Variants in GRAMD1B observed in about 807,000 individuals in gnomAD.
GRAMD1B encodes GRAM domain containing 1B.
A neutral mutation model predicts 99.7 loss-of-function variants in GRAMD1B; 37 were observed. The ratio of observed to expected loss-of-function variants is 0.37; its 90% confidence interval spans 0.29 to 0.49. GRAMD1B has a LOEUF of 0.49. Among genes scored for constraint, GRAMD1B ranks in the 20% least tolerant of loss-of-function variants. The pLI, the probability that GRAMD1B is intolerant of heterozygous loss-of-function variation, is 0.98. For synonymous variants in GRAMD1B, 427 were observed against 387.6 expected (o/e 1.10, Z -1.19); for missense variants, 888 against 1,009.2 (o/e 0.88, Z 1.63).
intron 2 of GRAMD1B, among the ~76,000 whole-genome samples, chr11:123,497,255 C>G (rs1164967578): frequency 6.6e-6 from 1 of 152,224 alleles, no homozygotes; most frequent in Non-Finnish European, 1.5e-5. Context: ...TCTTCCCTTA[C>G]TTTCTCCCAA....
chr11:123,573,440 G>A (rs1045318628), intron 2 of GRAMD1B, among the ~76,000 whole-genome samples: 2 of 152,148 alleles, frequency 1.3e-5, no homozygotes, highest in South Asian at 2.1e-4. Context: ...TTCTTTCTTT[G>A]TACTCACCCA....
In GRAMD1B at chr11:123,606,862, C is replaced by G. The variant is rs576148795; in HGVS notation, c.1513+64C>G. 2.2e-4 allele frequency: 283 copies of G among 1,281,054 alleles called. 1 individual carries two copies. In the African/African-American group the frequency reaches 3.2e-3, roughly 14 times the overall value. 79.4% of individuals were successfully genotyped at this position (1,281,054 alleles called of 1,614,324 possible). A position where few individuals can be genotyped will look rare whatever the true frequency, so the allele number is the denominator to read the frequency against. ...TGTTTTGAAGGCTAAAAGGAGATCT[C>G]TATGTGGGGACTGTAGTTAGTCTCT... On this transcript the variant is annotated intron_variant, in intron 11 of 19. Transcript: ENST00000635736.
intron 17 of GRAMD1B, among the ~76,000 whole-genome samples, chr11:123,616,622 A>G (rs1204352086): frequency 1.3e-5 from 2 of 152,258 alleles, no homozygotes; most frequent in Non-Finnish European, 2.9e-5. Context: ...ATCCAGGCCA[A>G]GTGTCTGCCG....
chr11:123,432,604 A>G lies in GRAMD1B; in HGVS notation c.374+1438A>G, dbSNP rs374795144. ...ACCTGTGGGAGCCATTGGAAAACATACTGTGCTGTGTGGTACTGATTGTAC... is the reference window on the plus strand; with the variant it reads ...ACCTGTGGGAGCCATTGGAAAACATGCTGTGCTGTGTGGTACTGATTGTAC... On this transcript the variant is annotated intron_variant, in intron 1 of 19. Transcript: ENST00000635736. Among the ~76,000 whole-genome samples, 19 of 152,038 alleles carry G rather than the reference A, an allele frequency of 1.2e-4. 2 individuals carry two copies. In the East Asian group the frequency reaches 3.5e-3, roughly 28 times the overall value.
At chr11:123,571,755 A>G (rs1039901822) in intron 2 of GRAMD1B, among the ~76,000 whole-genome samples, 1 of 152,022 alleles carries the variant, frequency 6.6e-6, no homozygotes. Context: ...GTTTCTGTCA[A>G]TGTTCCATAT....
rs1437492697 is a variant in GRAMD1B at position 123,610,615 on chromosome 11, T to A, written c.1919+277T>A. ...TATAGTGTAGGCGCTTTACCTACAT[T>A]CACTGGAGTCTTTAGAACGACTCAA... On this transcript the variant is annotated intron_variant, in intron 14 of 19. Coordinates refer to ENST00000635736, the MANE Select transcript of GRAMD1B (RefSeq NM_001387025.1). This position sits in a 1 kb window ranked among gnomAD's most constrained non-coding sequence, Gnocchi z 4.1. Among the ~76,000 whole-genome samples, 2 of 152,234 alleles carry A rather than the reference T, an allele frequency of 1.3e-5. No homozygotes were observed. Among genetic ancestry groups the A allele is most frequent in the African/African-American group, 4.8e-5 (2 of 41,458 alleles).
At position 123,583,302 on chromosome 11, in the gene GRAMD1B, G is replaced by A. The variant is rs180866550; in HGVS notation, c.664-1010G>A. Among the ~76,000 whole-genome samples, 526 of 150,782 alleles carry A rather than the reference G, an allele frequency of 3.5e-3. 4 individuals carry two copies. Among genetic ancestry groups the A allele is most frequent in the Admixed American group, 0.012 (184 of 15,168 alleles). On this transcript the variant is annotated intron_variant, in intron 3 of 19. Transcript: ENST00000635736. ...GCATGTGTGTGTGGTGTGTGTGAAT[G>A]TGTGTGTGCACGTGTGGATGTGTGT...
chr11:123,501,729 A>G (rs1398363389), intron 2 of GRAMD1B, among the ~76,000 whole-genome samples: 2 of 152,240 alleles, frequency 1.3e-5, no homozygotes, highest in Non-Finnish European at 2.9e-5. Context: ...AATGCTTCTG[A>G]ATGATCTAGT....
At chr11:123,495,283 A>T (rs763241569) in intron 2 of GRAMD1B, among the ~76,000 whole-genome samples, 37 of 152,158 alleles carry the variant, frequency 2.4e-4, no homozygotes, top group Non-Finnish European at 4.1e-4. Flanking sequence ...TTAAAAAATT[A>T]AAAAAATTCC....
At chr11:123,390,553 T>G (rs1374311684) in intron 1 of GRAMD1B, among the ~76,000 whole-genome samples, 1 of 152,182 alleles carries the variant, frequency 6.6e-6, no homozygotes, top group African/African-American at 2.4e-5. Flanking sequence ...TTCTCAGCAT[T>G]TTTTTACATG....
At chr11:123,469,776 T>TTTCCTTCCTTCC (rs369545252) in intron 1 of GRAMD1B, among the ~76,000 whole-genome samples, 5,308 of 129,934 alleles carry the variant, frequency 0.041, 153 homozygotes, top group Middle Eastern at 0.083. Context: ...TTTCTCTTTC[T>TTTCCTTCCTTCC]TTCCTTCCTT....
At chr11:123,374,371 C>T (rs889202065) in intron 1 of GRAMD1B, among the ~76,000 whole-genome samples, 1 of 152,160 alleles carries the variant, frequency 6.6e-6, no homozygotes, top group Non-Finnish European at 1.5e-5. Flanking sequence ...TCATAATAAA[C>T]CCTGTCTCTG....
chr11:123,399,684 A>T (rs1030651108), intron 1 of GRAMD1B, among the ~76,000 whole-genome samples: 1 of 152,032 alleles, frequency 6.6e-6, no homozygotes, highest in Non-Finnish European at 1.5e-5. Flanking sequence ...ATCTCGGCTC[A>T]CTGCAACCTC....
chr11:123,431,363 A>G (rs1948879079), intron 1 of GRAMD1B, among the ~76,000 whole-genome samples, 197 bp downstream of exon 1: 1 of 152,232 alleles, frequency 6.6e-6, no homozygotes, highest in South Asian at 2.1e-4. Flanking sequence ...TCCCCAACTC[A>G]GGGTGAGGGG....
chr11:123,418,413 C>A lies in GRAMD1B; in HGVS notation c.-176+59614C>A, dbSNP rs58206073. Among the ~76,000 whole-genome samples the A allele has an allele frequency of 3.2e-3, 489 of 152,250 alleles. 4 individuals carry two copies. Among genetic ancestry groups the A allele is most frequent in the African/African-American group, 0.011 (464 of 41,540 alleles). On this transcript the variant is annotated intron_variant, in intron 1 of 20. Transcript: ENST00000638157. ...AGGAGAAAGAGGATTGACTGAACTC[C>A]GATTCAGGGTATTTTCTTAAGAGTT... is the stretch of plus-strand genomic sequence containing the variant.
Position 123,613,557 on chromosome 11 carries a change from G to T in GRAMD1B, c.2126G>T (p.Arg709Leu). Reference protein sequence around the residue: ...SKTTTVRRRKRPHAHLRVPHL... With the variant: ...SKTTTVRRRKLPHAHLRVPHL... ...ACTACAACGGTGCGGAGGAGGAAGC[G>T]TCCCCATGCCCACCTGCGAGTCCCT... Residue 709 changes from arginine (R) to leucine (L), a missense_variant, in exon 16 of 20, where the codon CGT becomes CTT. This residue lies in a region of GRAMD1B where 232 missense variants were observed against 261.7 expected (regional missense o/e 0.89). Transcript: ENST00000635736. 6 of 1,613,688 alleles carry T rather than the reference G, an allele frequency of 3.7e-6. No individual in the cohort carries two copies. The South Asian group carries it at 6.6e-5, about 18-fold the overall frequency.
chr11:123,582,845 G>T (rs2136310079), intron 3 of GRAMD1B, among the ~76,000 whole-genome samples: 1 of 152,352 alleles, frequency 6.6e-6, no homozygotes, highest in East Asian at 1.9e-4. Context: ...GCCCTTCTGG[G>T]TTGGGACGCT....
intron 15 of GRAMD1B, 153 bp from the exon 16 acceptor site, chr11:123,613,302 C>T: frequency 1.6e-6 from 1 of 618,122 alleles, no homozygotes; most frequent in African/African-American, 1.8e-5. Context: ...GGGGCTGGGT[C>T]CCACAAGTAC....
chr11:123,584,367 T>A, intron 4 of GRAMD1B, 35 bp downstream of exon 4: 1 of 137,194 alleles, frequency 7.3e-6, no homozygotes, highest in Non-Finnish European at 1.2e-5. Context: ...GTTGGGTACC[T>A]GAGAAATGGG....
Sources: gnomAD v4.1 joint callset for allele counts (sites outside exome capture counted in the v4.1 genomes callset) on GRCh38, gnomAD v4.1.1 for gene constraint, gnomAD v4.1.1 regional missense constraint, Gnocchi (gnomAD v3.1) non-coding constraint, MANE v1.5 for transcripts, NCBI Gene and HGNC (gene_info 2026-07-23, HGNC 2026-07-21) for gene names.